EPB41L5: variants seen among roughly 807,000 people sequenced by gnomAD.
EPB41L5 encodes the protein erythrocyte membrane protein band 4.1 like 5, also known as band 4.1-like protein 5.
A neutral mutation model predicts 106.6 loss-of-function variants in EPB41L5; 55 were observed. The ratio of observed to expected loss-of-function variants is 0.52; its 90% CI spans 0.42 to 0.65. EPB41L5 has a LOEUF of 0.65. Among genes scored for constraint, EPB41L5 ranks in the 30% least tolerant of loss-of-function variants. EPB41L5 has a pLI of 0.00. For missense variants in EPB41L5, 871 were observed against 882.1 expected (o/e 0.99, Z 0.16); for synonymous variants, 297 against 306.7 (o/e 0.97, Z 0.33).
At chr2:120,048,087 A>G (rs998087043) in intron 3 of EPB41L5, among the ~76,000 whole-genome samples, 2 of 148,238 alleles carry the variant, frequency 1.3e-5, no homozygotes. Context: ...GGAGTTTTGC[A>G]TTGATGTTCA....
chr2:120,155,349 G>T (rs1411282348), intron 20 of EPB41L5, among the ~76,000 whole-genome samples: 2 of 152,154 alleles, frequency 1.3e-5, no homozygotes, highest in East Asian at 3.9e-4. Flanking sequence ...GGTCTGCATG[G>T]TTTCTAATGA....
chr2:120,147,770 A>G (rs72841644), intron 20 of EPB41L5, among the ~76,000 whole-genome samples: 6,974 of 152,242 alleles, frequency 0.046, 232 homozygotes, highest in Non-Finnish European at 0.071. Context: ...GGACTGCCCA[A>G]TGTTCATCAG....
intron 21 of EPB41L5, among the ~76,000 whole-genome samples, chr2:120,162,087 C>T (rs778289300): frequency 5.3e-5 from 8 of 152,168 alleles, no homozygotes; most frequent in East Asian, 1.9e-4. Flanking sequence ...ACCTTGGCCT[C>T]GCAAAGTGCT....
In EPB41L5 at chr2:120,160,900, A is replaced by C. The variant is rs1687112935; in HGVS notation, c.1813A>C (p.Asn605His). 1.9e-6 allele frequency: 3 copies of C among 1,613,284 alleles called. No individual in the cohort carries two copies. The highest frequency in any genetic ancestry group is 1.7e-6 in the Non-Finnish European group (2 of 1,179,214). ...ATNSAVLNEN[N>H]VPLPKESLET... is the part of the protein sequence containing the mutation. ...TCCTAGTGCTGTGTTAAATGAGAAT[A>C]ATGTGCCCCTCCCCAAAGAGTCTCT... is the stretch of plus-strand genomic sequence containing the variant. Residue 605 changes from asparagine to histidine, a missense_variant, in exon 21 of 25, where the codon AAT becomes CAT. By Grantham distance (68) the Asn-to-His change is moderately conservative (BLOSUM62 1). Coordinates refer to ENST00000263713, the MANE Select transcript of EPB41L5 (RefSeq NM_020909.4).
At chr2:120,104,285 A>G in intron 16 of EPB41L5, 1 of 1,512,682 alleles carries the variant, frequency 6.6e-7, no homozygotes, top group Non-Finnish European at 8.8e-7. Flanking sequence ...ATGCAAGTTG[A>G]TGGTATACAT....
At chr2:120,049,065 G>C (rs551314493) in intron 3 of EPB41L5, among the ~76,000 whole-genome samples, 140 of 152,294 alleles carry the variant, frequency 9.2e-4, no homozygotes, top group African/African-American at 3.2e-3. Flanking sequence ...ATTTGCCGAG[G>C]AGTGCTTTAC....
At chr2:120,038,093 C>T (rs1434827247) in intron 2 of EPB41L5, among the ~76,000 whole-genome samples, 3 of 152,148 alleles carry the variant, frequency 2.0e-5, no homozygotes, top group Non-Finnish European at 4.4e-5. Context: ...AAAGACAACC[C>T]ACAGAATGTG....
intron 22 of EPB41L5, among the ~76,000 whole-genome samples, chr2:120,165,562 T>A (rs1376688832): frequency 6.6e-6 from 1 of 152,220 alleles, no homozygotes; most frequent in Non-Finnish European, 1.5e-5. Flanking sequence ...ACCATCCTTT[T>A]TTTCCCTCCA....
At chr2:120,156,743 T>C (rs1274048024) in intron 20 of EPB41L5, among the ~76,000 whole-genome samples, 3 of 152,150 alleles carry the variant, frequency 2.0e-5, no homozygotes, top group South Asian at 2.1e-4. Flanking sequence ...GAACTAACTA[T>C]CCTAAATATA....
intron 3 of EPB41L5, among the ~76,000 whole-genome samples, chr2:120,047,261 A>G (rs1197771178): frequency 3.9e-5 from 6 of 152,038 alleles, no homozygotes; most frequent in Non-Finnish European, 7.4e-5. Context: ...CAGTATGGCT[A>G]TTTTCACGAT....
chr2:120,022,642 T>C (rs1236344634), intron 2 of EPB41L5, among the ~76,000 whole-genome samples: 1 of 152,228 alleles, frequency 6.6e-6, no homozygotes, highest in African/African-American at 2.4e-5. Flanking sequence ...GCAGTAATCA[T>C]ACATGTGCAT....
intron 16 of EPB41L5, among the ~76,000 whole-genome samples, chr2:120,124,983 C>A (rs893003749): frequency 1.3e-5 from 2 of 152,006 alleles, no homozygotes; most frequent in Admixed American, 6.6e-5. Flanking sequence ...ATTTTAAGAC[C>A]GAATGGATTT....
chr2:120,155,097 C>T (rs573747703), intron 20 of EPB41L5, among the ~76,000 whole-genome samples: 34 of 152,212 alleles, frequency 2.2e-4, no homozygotes, highest in Non-Finnish European at 3.8e-4. Context: ...CAGTAATTTT[C>T]TCTATTTTTC....
chr2:120,056,174 CATTT>C (rs569478503), intron 3 of EPB41L5, among the ~76,000 whole-genome samples: 163 of 149,898 alleles, frequency 1.1e-3, no homozygotes, highest in Non-Finnish European at 1.7e-3. Flanking sequence ...GCTTTTTCTG[CATTT>C]ATTGAGAGGA....
At chr2:120,152,984 T>C (rs80334888) in intron 20 of EPB41L5, among the ~76,000 whole-genome samples, 12 of 152,326 alleles carry the variant, frequency 7.9e-5, no homozygotes, top group Non-Finnish European at 1.8e-4. Context: ...TTCTTCCTCA[T>C]AAGTCTAGCT....
intron 4 of EPB41L5, 22 bp from the exon 5 acceptor site, chr2:120,074,078 C>G: frequency 8.0e-7 from 1 of 1,246,572 alleles, no homozygotes; most frequent in Non-Finnish European, 1.1e-6. Context: ...TTATTAAAAC[C>G]TTTTTTTTTT....
chr2:120,170,458 C>T (rs943607087), intron 24 of EPB41L5, among the ~76,000 whole-genome samples: 15 of 152,226 alleles, frequency 9.9e-5, no homozygotes, highest in African/African-American at 3.6e-4. Flanking sequence ...GATTCAGGAT[C>T]TGAAGACCTG....
intron 16 of EPB41L5, chr2:120,105,689 G>A: frequency 1.0e-6 from 1 of 985,338 alleles, no homozygotes. Context: ...AAATAGCCCG[G>A]CTCCCACCTC....
At position 120,167,736 on chromosome 2, in the gene EPB41L5, A is replaced by G; in HGVS notation, c.2005-141A>G. 4 of 1,180,078 alleles carry G rather than the reference A, an allele frequency of 3.4e-6. No individual in the cohort carries two copies. In the South Asian group the frequency reaches 5.9e-5, roughly 17 times the overall value. The allele number at this position is 1,180,078 out of a possible 1,614,324, so 73.1% of individuals were successfully genotyped here. A position where few individuals can be genotyped will look rare whatever the true frequency, so the allele number is the denominator to read the frequency against. On this transcript the variant is annotated intron_variant, in intron 23 of 24. Transcript: ENST00000263713. ...AAAAGTCTCAGATGAAGAATAGTTAAGAAAAACAAAACAAACAGTCATAAT... is the reference window on the plus strand; with the variant it reads ...AAAAGTCTCAGATGAAGAATAGTTAGGAAAAACAAAACAAACAGTCATAAT...
Sources: allele counts gnomAD v4.1 joint callset (sites outside exome capture counted in the v4.1 genomes callset), GRCh38; gene constraint gnomAD v4.1.1; transcripts MANE v1.5; gene names NCBI Gene and HGNC (gene_info 2026-07-23, HGNC 2026-07-21).